The following RAD51B variants were observed in gnomAD, a reference collection of about 807,000 sequenced individuals.
RAD51B encodes RAD51 paralog B, also known as DNA repair protein RAD51 homolog 2.
Under a neutral mutation model 42.2 loss-of-function variants are expected in RAD51B, and 38 were observed. The ratio of observed to expected loss-of-function variants is 0.90; its 90% CI spans 0.70 to 1.18. The LOEUF (loss-of-function observed/expected upper bound fraction) is 1.18, where lower values mean the gene tolerates loss of function less well. Among genes scored for constraint, RAD51B ranks in the 50% most tolerant of loss-of-function variants. RAD51B has a pLI of 0.00. For synonymous variants in RAD51B, 154 were observed against 145.2 expected (o/e 1.06, Z -0.43); for missense variants, 373 against 400.7 (o/e 0.93, Z 0.59).
intron 7 of RAD51B, among the ~76,000 whole-genome samples, chr14:67,894,807 G>T (rs1358136162): frequency 1.3e-5 from 2 of 152,174 alleles, no homozygotes; most frequent in East Asian, 1.9e-4. Context: ...TTTGAGACAA[G>T]GTCTCTCTCT....
chr14:68,210,793 G>A (rs1436281264), intron 7 of RAD51B, among the ~76,000 whole-genome samples: 1 of 152,116 alleles, frequency 6.6e-6, no homozygotes, highest in Non-Finnish European at 1.5e-5. Flanking sequence ...TCATGTTGAC[G>A]TGGAGTGAGT....
chr14:68,405,703 T>G (rs957219928), intron 8 of RAD51B, among the ~76,000 whole-genome samples: 1 of 152,074 alleles, frequency 6.6e-6, no homozygotes, highest in Non-Finnish European at 1.5e-5. Flanking sequence ...TACTTTTTTA[T>G]ACTATTCTTA....
At chr14:68,120,801 A>C (rs2077637669) in intron 7 of RAD51B, among the ~76,000 whole-genome samples, 1 of 152,150 alleles carries the variant, frequency 6.6e-6, no homozygotes, top group Admixed American at 6.5e-5. Flanking sequence ...CCCAGGCTCT[A>C]GTTCATTAAG....
Position 68,609,632 on chromosome 14 carries a change from A to G in RAD51B, c.1037-1374A>G, listed in dbSNP as rs111813151. ...TGGCAGCAGGATCTCCAGTGCTTCCAGTGCACAGCCACAAGCATGGCGTCC... is the reference window on the plus strand; with the variant it reads ...TGGCAGCAGGATCTCCAGTGCTTCCGGTGCACAGCCACAAGCATGGCGTCC... On this transcript the variant is annotated intron_variant, in intron 10 of 10. Coordinates refer to the RAD51B transcript ENST00000487861. Among the ~76,000 whole-genome samples, 621 of 152,262 alleles carry G rather than the reference A, an allele frequency of 4.1e-3. 5 individuals are homozygous for G. Among genetic ancestry groups the G allele is most frequent in the African/African-American group, 0.013 (545 of 41,564 alleles).
chr14:68,329,917 G>T (rs2082316337), intron 8 of RAD51B, among the ~76,000 whole-genome samples: 1 of 151,218 alleles, frequency 6.6e-6, no homozygotes, highest in Non-Finnish European at 1.5e-5. Flanking sequence ...AGGAGGTGGA[G>T]TGTGCAGTGA....
At chr14:68,056,001 T>C (rs185147912) in intron 7 of RAD51B, among the ~76,000 whole-genome samples, 23 of 152,274 alleles carry the variant, frequency 1.5e-4, no homozygotes, top group Middle Eastern at 3.4e-3. Context: ...AGAAATGACT[T>C]TTTTAGTGCC....
chr14:67,992,548 T>A (rs990087476), intron 7 of RAD51B, among the ~76,000 whole-genome samples: 7 of 152,208 alleles, frequency 4.6e-5, no homozygotes, highest in African/African-American at 1.7e-4. Flanking sequence ...GGTGGTGTGT[T>A]TCCTACTTGT....
chr14:68,107,263 TA>T (rs1264010018), intron 7 of RAD51B, among the ~76,000 whole-genome samples: 1 of 151,742 alleles, frequency 6.6e-6, no homozygotes, highest in South Asian at 2.1e-4. Flanking sequence ...TCAAAAAACG[TA>T]AAATACTAAG....
At chr14:68,429,692 G>A (rs891630854) in intron 9 of RAD51B, among the ~76,000 whole-genome samples, 4 of 152,124 alleles carry the variant, frequency 2.6e-5, no homozygotes, top group African/African-American at 9.7e-5. Flanking sequence ...CTCCCATTCT[G>A]TAGGTTGCCT....
At chr14:68,447,535 A>G (rs976568903) in intron 9 of RAD51B, among the ~76,000 whole-genome samples, 2 of 152,136 alleles carry the variant, frequency 1.3e-5, no homozygotes, top group African/African-American at 2.4e-5. Context: ...TTTCTGGCTT[A>G]TAAGGCTCTT....
chr14:67,971,447 G>A (rs891703404), intron 7 of RAD51B, among the ~76,000 whole-genome samples: 1 of 151,996 alleles, frequency 6.6e-6, no homozygotes, highest in Non-Finnish European at 1.5e-5. Context: ...AATTAGAGAG[G>A]ATACCATTGA....
chr14:68,497,749 C>G (rs1440606943), intron 10 of RAD51B: 2 of 227,720 alleles, frequency 8.8e-6, no homozygotes, highest in Non-Finnish European at 1.7e-5. Flanking sequence ...TTTACCTATT[C>G]TGGATATTTC....
chr14:68,549,172 C>G (rs971561736), intron 10 of RAD51B, among the ~76,000 whole-genome samples: 4 of 151,924 alleles, frequency 2.6e-5, no homozygotes, highest in Admixed American at 6.6e-5. Flanking sequence ...CAGGACAACC[C>G]TAACTCCAAG....
intron 3 of RAD51B, among the ~76,000 whole-genome samples, chr14:67,832,388 A>T (rs1218361054): frequency 2.0e-5 from 3 of 152,226 alleles, no homozygotes; most frequent in Non-Finnish European, 2.9e-5. Context: ...ACCGTTATAA[A>T]GGTATTTGGT....
chr14:67,858,218 G>A (rs2042058889), intron 4 of RAD51B, among the ~76,000 whole-genome samples: 1 of 152,246 alleles, frequency 6.6e-6, no homozygotes, highest in Non-Finnish European at 1.5e-5. Flanking sequence ...CAGCGTGACA[G>A]CCTTCTGGGT....
intron 7 of RAD51B, among the ~76,000 whole-genome samples, chr14:68,134,363 G>T (rs556507955): frequency 6.6e-6 from 1 of 152,172 alleles, no homozygotes; most frequent in Non-Finnish European, 1.5e-5. Context: ...AGGATATTTG[G>T]ATAGTTTTCA....
intron 10 of RAD51B, among the ~76,000 whole-genome samples, chr14:68,500,386 G>A (rs72727487): frequency 0.14 from 21,401 of 152,288 alleles, 1,870 homozygotes; most frequent in Middle Eastern, 0.25. Context: ...GCAAATGCTG[G>A]TGGAGCCAGA....
intron 8 of RAD51B, among the ~76,000 whole-genome samples, chr14:68,386,934 T>G (rs1485269451): frequency 6.6e-6 from 1 of 152,252 alleles, no homozygotes; most frequent in Non-Finnish European, 1.5e-5. Context: ...GCACATTCAT[T>G]GATATCACCT....
intron 8 of RAD51B, among the ~76,000 whole-genome samples, chr14:68,342,984 C>CT (rs542285964): frequency 0.074 from 10,531 of 141,428 alleles, 1,113 homozygotes; most frequent in African/African-American, 0.24. Flanking sequence ...TTTCTGCTGC[C>CT]TTTTTTTTTT....
Sources: gnomAD v4.1 joint callset for allele counts (sites outside exome capture counted in the v4.1 genomes callset) on GRCh38, gnomAD v4.1.1 for gene constraint, MANE v1.5 for transcripts, NCBI Gene and HGNC (gene_info 2026-07-23, HGNC 2026-07-21) for gene names.